STAU2: variants seen among roughly 807,000 people sequenced by gnomAD.
The protein encoded by STAU2 is double-stranded RNA-binding protein Staufen homolog 2.
STAU2 carries 20 observed loss-of-function variants against 65.9 expected under a neutral mutation model. The observed-to-expected ratio is 0.30, with a 90% confidence interval of 0.21 to 0.44. The LOEUF (loss-of-function observed/expected upper bound fraction) is 0.44. STAU2 is among the 20% of genes least tolerant of loss of function. STAU2 has a pLI of 1.00. For missense variants in STAU2, 558 were observed against 683.9 expected (o/e 0.82, Z 2.05); for synonymous variants, 232 against 233.9 (o/e 0.99, Z 0.07).
chr8:73,719,323 C>G (rs931241452), intron 3 of STAU2, among the ~76,000 whole-genome samples: 1 of 151,780 alleles, frequency 6.6e-6, no homozygotes, highest in Non-Finnish European at 1.5e-5. Context: ...GAGAATGGCA[C>G]GAACTCACAA....
At chr8:73,503,647 T>C (rs1821885956) in intron 13 of STAU2, among the ~76,000 whole-genome samples, 1 of 152,088 alleles carries the variant, frequency 6.6e-6, no homozygotes, top group Non-Finnish European at 1.5e-5. Context: ...TTTTTAAAAT[T>C]AGAATATTAA....
intron 13 of STAU2, among the ~76,000 whole-genome samples, chr8:73,535,404 C>T (rs1446137575): frequency 2.6e-5 from 4 of 152,122 alleles, no homozygotes; most frequent in Admixed American, 6.5e-5. Flanking sequence ...CTCCTGACCT[C>T]GTGATCCGCC....
chr8:73,595,067 TA>T (rs1283638403), intron 11 of STAU2, 98 bp downstream of exon 11: 1 of 1,097,206 alleles, frequency 9.1e-7, no homozygotes, highest in Non-Finnish European at 1.3e-6. Flanking sequence ...TCAGAAAAGT[TA>T]AAATTGACAT....
At chr8:73,485,927 A>G (rs116549760) in intron 13 of STAU2, among the ~76,000 whole-genome samples, 2,651 of 152,238 alleles carry the variant, frequency 0.017, 79 homozygotes, top group African/African-American at 0.061. Flanking sequence ...AATAGTCAGG[A>G]AAGCCCAAGG....
chr8:73,653,248 G>A (rs1816042533), intron 6 of STAU2: 1 of 152,148 alleles, frequency 6.6e-6, no homozygotes, highest in Admixed American at 6.5e-5. Flanking sequence ...ATCTCATGAG[G>A]CTTGTAATAC....
chr8:73,577,178 C>T (rs997103800), intron 12 of STAU2, among the ~76,000 whole-genome samples: 14 of 152,156 alleles, frequency 9.2e-5, no homozygotes, highest in African/African-American at 2.9e-4. Flanking sequence ...CCTGTAATCC[C>T]AGCACTTTGG....
chr8:73,716,119 C>T (rs1254047386), intron 3 of STAU2, among the ~76,000 whole-genome samples: 23 of 145,872 alleles, frequency 1.6e-4, no homozygotes, highest in Non-Finnish European at 2.2e-4. Context: ...ACAAGAGTCT[C>T]GCTCTGTCAC....
chr8:73,495,341 T>C (rs911509108), intron 13 of STAU2, among the ~76,000 whole-genome samples: 4 of 151,504 alleles, frequency 2.6e-5, no homozygotes, highest in African/African-American at 9.7e-5. Context: ...TCAAATAAAG[T>C]AGAAGTATTC....
intron 13 of STAU2, among the ~76,000 whole-genome samples, chr8:73,453,301 CA>C (rs1408755503): frequency 6.6e-6 from 1 of 152,052 alleles, no homozygotes; most frequent in Non-Finnish European, 1.5e-5. Context: ...TCTGTAGAAG[CA>C]AAATTCACTT....
intron 6 of STAU2, among the ~76,000 whole-genome samples, chr8:73,662,851 G>T (rs1456024815): frequency 6.6e-6 from 1 of 151,904 alleles, no homozygotes; most frequent in Non-Finnish European, 1.5e-5. Flanking sequence ...CCTGACCTCA[G>T]GTAATCCACC....
intron 12 of STAU2, among the ~76,000 whole-genome samples, chr8:73,558,473 A>G (rs535755768): frequency 6.6e-6 from 1 of 152,364 alleles, no homozygotes; most frequent in African/African-American, 2.4e-5. Context: ...TTCCTGGAGC[A>G]TCTTTATGGA....
intron 6 of STAU2, chr8:73,652,817 C>A (rs1479415082): frequency 1.3e-5 from 2 of 151,760 alleles, no homozygotes; most frequent in Non-Finnish European, 2.9e-5. Context: ...CATACACATA[C>A]ATATATACAT....
intron 9 of STAU2, among the ~76,000 whole-genome samples, chr8:73,610,623 C>T (rs909235955): frequency 6.6e-6 from 1 of 151,320 alleles, no homozygotes; most frequent in Non-Finnish European, 1.5e-5. Flanking sequence ...GCACCCTTGA[C>T]AATTAAGTTA....
At chr8:73,739,628 G>T (rs1414551649) in intron 2 of STAU2, 128 bp downstream of exon 2, 1 of 760,298 alleles carries the variant, frequency 1.3e-6, no homozygotes, top group Non-Finnish European at 1.9e-6. Context: ...AGTGTCCTCA[G>T]CATCTGCATC....
intron 12 of STAU2, among the ~76,000 whole-genome samples, chr8:73,562,194 G>C (rs1159681199): frequency 6.6e-6 from 1 of 152,164 alleles, no homozygotes; most frequent in Non-Finnish European, 1.5e-5. Flanking sequence ...CATAGTAAAA[G>C]AAAAGATGGA....
At chr8:73,490,736 T>C (rs1821117558) in intron 13 of STAU2, among the ~76,000 whole-genome samples, 1 of 152,060 alleles carries the variant, frequency 6.6e-6, no homozygotes, top group Admixed American at 6.6e-5. Flanking sequence ...TACATTACTT[T>C]ATCCTGTTAA....
At chr8:73,633,979 A>G (rs1171991071) in intron 6 of STAU2, among the ~76,000 whole-genome samples, 3 of 152,230 alleles carry the variant, frequency 2.0e-5, no homozygotes, top group African/African-American at 7.2e-5. Context: ...CTCCATCTCA[A>G]AAAAAAGAAA....
rs1169740316 is a variant in STAU2, at chr8:73,733,161, A to AGCCTTAAAG, written c.-18+5122_-18+5123insCTTTAAGGC. ...CTCTTCCACTTCAGTTAGGCCTTAA[A>AGCCTTAAAG]GCTTCCTCTTAGCTACCATGTTCCC... On this transcript the variant is annotated intron_variant, in intron 3 of 14. Coordinates refer to ENST00000524300, the MANE Select transcript of STAU2 (RefSeq NM_001164380.2). Among the ~76,000 whole-genome samples, 5 of 152,022 alleles carry AGCCTTAAAG rather than the reference A, an allele frequency of 3.3e-5. No homozygotes were observed. The East Asian group carries it at 7.7e-4, about 23-fold the overall frequency.
intron 6 of STAU2, among the ~76,000 whole-genome samples, chr8:73,649,459 C>T (rs774310406): frequency 1.9e-4 from 29 of 152,084 alleles, no homozygotes; most frequent in Non-Finnish European, 1.5e-5. Flanking sequence ...CTAAACTCAC[C>T]TATTCCTCAT....
Sources: gnomAD v4.1 joint callset for allele counts (sites outside exome capture counted in the v4.1 genomes callset) on GRCh38, gnomAD v4.1.1 for gene constraint, MANE v1.5 for transcripts, NCBI Gene and HGNC (gene_info 2026-07-23, HGNC 2026-07-21) for gene names.